Variants in GDA observed in about 807,000 individuals in gnomAD.
GDA encodes the protein guanine deaminase.
In GDA, 18 loss-of-function variants were observed where a neutral mutation model predicts 59.6. The observed-to-expected ratio is 0.30, with a 90% CI of 0.21 to 0.45. The LOEUF (loss-of-function observed/expected upper bound fraction) is 0.45, where lower values mean the gene tolerates loss of function less well. Ranked by LOEUF, GDA falls within the 20% of genes least tolerant of loss-of-function variation. GDA has a pLI of 1.00. For missense variants in GDA, 427 were observed against 552.3 expected (o/e 0.77, Z 2.27); for synonymous variants, 201 against 201.1 (o/e 1.00, Z 0.00).
intron 9 of GDA, chr9:72,228,280 A>G (rs1837860008): frequency 8.9e-6 from 4 of 451,496 alleles, no homozygotes; most frequent in African/African-American, 2.0e-5. Context: ...AGTTTGTACA[A>G]AAAAAGGACA....
intron 5 of GDA, chr9:72,214,744 C>CT (rs1835882037): frequency 2.8e-5 from 8 of 287,190 alleles, no homozygotes; most frequent in South Asian, 5.6e-5. Flanking sequence ...CTTTTCTTTT[C>CT]TTTTTTTGAG....
chr9:72,203,687 TC>T (rs1259560793), intron 3 of GDA, among the ~76,000 whole-genome samples: 2 of 152,198 alleles, frequency 1.3e-5, no homozygotes, highest in African/African-American at 4.8e-5. Context: ...CATTGATTCC[TC>T]CTAAGGTGTT....
chr9:72,134,060 G>T (rs955702098), intron 1 of GDA, among the ~76,000 whole-genome samples: 4 of 152,124 alleles, frequency 2.6e-5, no homozygotes, highest in African/African-American at 9.7e-5. Context: ...GACAAACATC[G>T]GGAGGATCAT....
intron 10 of GDA, among the ~76,000 whole-genome samples, chr9:72,235,726 A>G (rs1838908754): frequency 6.6e-6 from 1 of 152,094 alleles, no homozygotes; most frequent in African/African-American, 2.4e-5. Flanking sequence ...GAAAAAAGAG[A>G]ATTGCACATA....
chr9:72,243,491 T>C (rs1564191246), intron 11 of GDA, among the ~76,000 whole-genome samples: 1 of 152,214 alleles, frequency 6.6e-6, no homozygotes, highest in Non-Finnish European at 1.5e-5. Flanking sequence ...GACATGTTTC[T>C]TTGTCAAGGG....
At chr9:72,213,850 A>G (rs1835746888) in intron 4 of GDA, 36 bp from the exon 5 acceptor site, 5 of 1,156,246 alleles carry the variant, frequency 4.3e-6, no homozygotes, top group Middle Eastern at 2.0e-4. Flanking sequence ...TCAGAAACAA[A>G]CATGCCTTCA....
chr9:72,234,990 G>A (rs1838806840), intron 10 of GDA, among the ~76,000 whole-genome samples: 3 of 152,106 alleles, frequency 2.0e-5, no homozygotes, highest in Admixed American at 2.0e-4. Flanking sequence ...TTTTCCTTAG[G>A]AACCCTTTGA....
chr9:72,219,124 G>A (rs1032197730), intron 5 of GDA, among the ~76,000 whole-genome samples: 1 of 152,108 alleles, frequency 6.6e-6, no homozygotes, highest in African/African-American at 2.4e-5. Context: ...AAAATGGTCG[G>A]CCGGTCGCGG....
At chr9:72,149,265 TAACTC>T, upstream of GDA, 1 of 419,230 alleles carries the variant, frequency 2.4e-6, no homozygotes, top group Non-Finnish European at 4.3e-6. Flanking sequence ...TTGATCTTGA[TAACTC>T]AAAGAGTTAA....
Position 72,225,745 on chromosome 9 carries a change from C to A in GDA, c.783C>A (p.Tyr261Ter). The stretch of plus-strand genomic sequence containing the variant: ...ACTTATACCCCAGTTATAAAAACTA[C>A]ACATCTGTGTATGATAAAAACAATC... ...VKNLYPSYKN[Y>*]TSVYDKNNLL... The change falls in exon 8 of 14, where the codon TAC becomes TAA. Residue 261 changes from tyrosine (Y) to a stop codon, truncating the protein, a stop_gained. Transcript: ENST00000358399. LOFTEE classifies it high-confidence loss of function. 6.6e-7 allele frequency: 1 copy of A among 1,524,582 alleles called. No homozygotes were observed. Among genetic ancestry groups the A allele is most frequent in the Non-Finnish European group, 9.1e-7 (1 of 1,103,666 alleles). 94.4% of individuals were successfully genotyped at this position (1,524,582 alleles called of 1,614,324 possible).
At chr9:72,230,679 C>G (rs1467626596) in intron 9 of GDA, among the ~76,000 whole-genome samples, 1 of 151,782 alleles carries the variant, frequency 6.6e-6, no homozygotes, top group Non-Finnish European at 1.5e-5. Context: ...CTTTTTCGAT[C>G]TTAAAGTCAC....
intron 1 of GDA, among the ~76,000 whole-genome samples, chr9:72,127,502 T>C (rs1467352788): frequency 6.6e-6 from 1 of 151,756 alleles, no homozygotes; most frequent in Admixed American, 6.6e-5. Flanking sequence ...TTAGGTGTGG[T>C]GGTGTGCGTC....
intron 1 of GDA, among the ~76,000 whole-genome samples, chr9:72,174,440 C>T (rs535234561): frequency 4.0e-4 from 61 of 152,330 alleles, no homozygotes; most frequent in African/African-American, 1.4e-3. Context: ...ATAACTGCTA[C>T]TTCCTACTTT....
intron 3 of GDA, among the ~76,000 whole-genome samples, chr9:72,209,981 G>T (rs150542148): frequency 6.4e-4 from 98 of 152,114 alleles, no homozygotes; most frequent in African/African-American, 2.2e-3. Flanking sequence ...TACTATCCAG[G>T]TTCTATAAAG....
chr9:72,243,955 C>T (rs957022061), intron 11 of GDA, among the ~76,000 whole-genome samples: 6 of 152,128 alleles, frequency 3.9e-5, no homozygotes, highest in East Asian at 3.9e-4. Flanking sequence ...GTGGGCAGTT[C>T]GCGAGGTTAG....
In GDA at chr9:72,210,790, A is replaced by G. The variant is rs749072901; in HGVS notation, c.472+16A>G. 4.6e-6 allele frequency: 7 copies of G among 1,520,634 alleles called. No individual in the cohort carries two copies. The highest frequency in any genetic ancestry group is 5.5e-6 in the Non-Finnish European group (6 of 1,094,690). The allele number at this position is 1,520,634 out of a possible 1,614,324, so 94.2% of individuals were successfully genotyped here. On this transcript the variant is annotated intron_variant, in intron 4 of 13. Coordinates refer to ENST00000358399, the MANE Select transcript of GDA (RefSeq NM_004293.5). ...GACATTACAGGTGAGCAAATGAAGC[A>G]TGATTTATGGGCACCTCAAGCAAAG... is the stretch of plus-strand genomic sequence containing the variant.
At chr9:72,146,147 G>GT (rs1382983962), upstream of GDA, among the ~76,000 whole-genome samples, 2 of 137,644 alleles carry the variant, frequency 1.5e-5, no homozygotes, top group Non-Finnish European at 3.1e-5. Context: ...GGGGTTGGGG[G>GT]TTGGGGGAGT....
At chr9:72,205,537 G>T (rs966799964) in intron 3 of GDA, among the ~76,000 whole-genome samples, 54 of 152,182 alleles carry the variant, frequency 3.5e-4, no homozygotes, top group African/African-American at 1.3e-3. Context: ...AGAGGACTCT[G>T]CCCAGCAAGG....
chr9:72,210,863 C>T, intron 4 of GDA, 89 bp downstream of exon 4: 3 of 801,502 alleles, frequency 3.7e-6, no homozygotes, highest in Middle Eastern at 4.5e-4. Flanking sequence ...TTTGGGCAGA[C>T]CTGCCTTTTA....
Sources: allele counts gnomAD v4.1 joint callset (sites outside exome capture counted in the v4.1 genomes callset), GRCh38; gene constraint gnomAD v4.1.1; transcripts MANE v1.5; gene names NCBI Gene and HGNC (gene_info 2026-07-23, HGNC 2026-07-21).